The following PAX3 variants were observed in gnomAD, a reference collection of about 807,000 sequenced individuals.
PAX3 encodes paired box 3.
In PAX3, 14 loss-of-function variants were observed where a neutral mutation model predicts 51.6. The observed-to-expected ratio is 0.27, with a 90% CI of 0.18 to 0.42. The LOEUF (loss-of-function observed/expected upper bound fraction) is 0.42. Ranked by LOEUF, PAX3 falls within the 10% of genes least tolerant of loss-of-function variation. The pLI is 1.00. For missense variants in PAX3, 540 were observed against 642.8 expected (o/e 0.84, Z 1.73); for synonymous variants, 280 against 253.4 (o/e 1.11, Z -1.00).
At chr2:222,232,416 A>AT (rs1331582072) in intron 4 of PAX3, 133 bp from the exon 5 acceptor site, 20 of 759,034 alleles carry the variant, frequency 2.6e-5, no homozygotes, top group Admixed American at 2.5e-4. Context: ...ATAAATGTGG[A>AT]TCAAAAAACA....
At chr2:222,293,932 G>C (rs1695144428) in intron 4 of PAX3, 15 of 1,392,340 alleles carry the variant, frequency 1.1e-5, no homozygotes, top group African/African-American at 3.3e-5. Flanking sequence ...GGCTGAAAGT[G>C]GTTAAGAAAG....
At chr2:222,248,096 T>C (rs10804303) in intron 4 of PAX3, among the ~76,000 whole-genome samples, 17,595 of 152,148 alleles carry the variant, frequency 0.12, 1,253 homozygotes, top group East Asian at 0.32. Flanking sequence ...TTTTTTTCAC[T>C]CAAATAACAT....
At chr2:222,241,604 G>A (rs1319711197) in intron 4 of PAX3, among the ~76,000 whole-genome samples, 1 of 152,168 alleles carries the variant, frequency 6.6e-6, no homozygotes, top group African/African-American at 2.4e-5. Flanking sequence ...CAGCTGCCCC[G>A]AGTGCTGCAT....
intron 1 of PAX3, chr2:222,298,165 G>A: frequency 3.2e-6 from 1 of 308,078 alleles, no homozygotes; most frequent in Non-Finnish European, 6.1e-6. Context: ...GCGCAGCCGG[G>A]ACAATTTCGA....
intron 4 of PAX3, among the ~76,000 whole-genome samples, chr2:222,265,646 A>AGAAGGAAGGAAGGAAGGAAGGAAGGAAG (rs71053065): frequency 0.022 from 2,407 of 109,098 alleles, 104 homozygotes; most frequent in South Asian, 0.04. Flanking sequence ...ATCAAAAAAA[A>AGAAGGAAGGAAGGAAGGAAGGAAGGAAG]GAAGGAAGGA....
intron 4 of PAX3, chr2:222,264,664 T>G (rs1219673556): frequency 6.6e-6 from 1 of 152,208 alleles, no homozygotes; most frequent in Admixed American, 6.5e-5. Flanking sequence ...TGTAACTCCA[T>G]GCTTAGATTA....
intron 7 of PAX3, among the ~76,000 whole-genome samples, chr2:222,217,140 A>T (rs546620059): frequency 1.4e-4 from 22 of 152,300 alleles, no homozygotes; most frequent in South Asian, 1.0e-3. Context: ...ATATGCAAAG[A>T]TACTCATGGT....
At chr2:222,225,042 C>G (rs1692333454) in intron 5 of PAX3, among the ~76,000 whole-genome samples, 1 of 152,132 alleles carries the variant, frequency 6.6e-6, no homozygotes, top group South Asian at 2.1e-4. Context: ...TATCCCCACA[C>G]AAGATTACCT....
At chr2:222,271,131 G>C (rs568691774) in intron 4 of PAX3, among the ~76,000 whole-genome samples, 1 of 152,282 alleles carries the variant, frequency 6.6e-6, no homozygotes, top group East Asian at 1.9e-4. Context: ...CATTGAAAAG[G>C]ACTCCAGCTC....
intron 4 of PAX3, among the ~76,000 whole-genome samples, chr2:222,291,286 G>T (rs957174961): frequency 2.6e-5 from 4 of 152,174 alleles, no homozygotes; most frequent in African/African-American, 9.7e-5. Flanking sequence ...GGGGATTGGG[G>T]ATAGCGGGCG....
At chr2:222,292,696 A>C (rs536753763) in intron 4 of PAX3, among the ~76,000 whole-genome samples, 2 of 152,350 alleles carry the variant, frequency 1.3e-5, no homozygotes, top group Non-Finnish European at 2.9e-5. Context: ...TCTATTCTGC[A>C]GCTAGGCCTG....
intron 4 of PAX3, among the ~76,000 whole-genome samples, chr2:222,275,704 C>CA (rs967489220): frequency 5.3e-5 from 8 of 151,880 alleles, no homozygotes; most frequent in South Asian, 4.2e-4. Context: ...TTCAATATAA[C>CA]AAAAAAAATA....
At chr2:222,215,540 G>C (rs1691920347) in intron 7 of PAX3, among the ~76,000 whole-genome samples, 2 of 151,910 alleles carry the variant, frequency 1.3e-5, no homozygotes, top group South Asian at 4.2e-4. Flanking sequence ...AATTGGTCTT[G>C]TTTTGGGGGT....
chr2:222,296,837 C>A (rs756621461), intron 2 of PAX3, 141 bp downstream of exon 2: 2 of 721,078 alleles, frequency 2.8e-6, no homozygotes, highest in South Asian at 1.5e-5. Context: ...CACACACACA[C>A]GCGCGCCTTT....
At chr2:222,228,635 G>A (rs1255967257) in intron 5 of PAX3, among the ~76,000 whole-genome samples, 4 of 151,870 alleles carry the variant, frequency 2.6e-5, no homozygotes, top group Admixed American at 6.6e-5. Context: ...GCTGATACTC[G>A]GCCTATTTTA....
intron 4 of PAX3, among the ~76,000 whole-genome samples, chr2:222,291,049 G>A (rs1695015923): frequency 6.6e-6 from 1 of 152,118 alleles, no homozygotes. Flanking sequence ...CGGCCAGAGA[G>A]TAGGGGAGGG....
chr2:222,209,185 G>A (rs1439116897), intron 7 of PAX3, among the ~76,000 whole-genome samples: 2 of 152,110 alleles, frequency 1.3e-5, no homozygotes, highest in Non-Finnish European at 2.9e-5. Context: ...GAAGAAAATG[G>A]TTGTCCAGCT....
chr2:222,244,706 G>A (rs926678779), intron 4 of PAX3, among the ~76,000 whole-genome samples: 40 of 136,754 alleles, frequency 2.9e-4, no homozygotes, highest in Non-Finnish European at 5.0e-4. Flanking sequence ...AGAAGAACCC[G>A]CCCATAGTCA....
chr2:222,277,970 C>CTTT lies in PAX3; in HGVS notation c.586+16194_586+16196dup, dbSNP rs201134751. Among the ~76,000 whole-genome samples the CTTT allele has an allele frequency of 5.1e-5, 7 of 137,958 alleles. No homozygotes were observed. In the South Asian group the frequency reaches 1.2e-3, roughly 23 times the overall value. 90.5% of individuals were successfully genotyped at this position (137,958 alleles called of 152,430 possible). On this transcript the variant is annotated intron_variant, in intron 4 of 8. Transcript: ENST00000392070. The stretch of plus-strand genomic sequence containing the variant: ...AAAAAATTGAGTTTTTGTGTGATTT[C>CTTT]TTTTTTTTTTTTTAGCTCATCAGCT...
Sources: allele counts gnomAD v4.1 joint callset (sites outside exome capture counted in the v4.1 genomes callset), GRCh38; gene constraint gnomAD v4.1.1; transcripts MANE v1.5; gene names NCBI Gene and HGNC (gene_info 2026-07-23, HGNC 2026-07-21).